The following AMPD1 variants were observed in gnomAD, a reference collection of about 807,000 sequenced individuals.
AMPD1 encodes the protein adenosine monophosphate deaminase 1, also known as AMP deaminase 1.
In AMPD1, 74 loss-of-function variants were observed where a neutral mutation model predicts 82.9. That is an observed-to-expected ratio of 0.89 (90% CI 0.74 to 1.08). The LOEUF (loss-of-function observed/expected upper bound fraction) is 1.08, where lower values mean the gene tolerates loss of function less well. Among genes scored for constraint, AMPD1 ranks in the 50% least tolerant of loss-of-function variants. The pLI is 0.00. For synonymous variants in AMPD1, 333 were observed against 320.5 expected (o/e 1.04, Z -0.42); for missense variants, 881 against 924.5 (o/e 0.95, Z 0.61).
At chr1:114,675,774 G>A in intron 11 of AMPD1, 81 bp from the exon 12 acceptor site, 3 of 1,612,866 alleles carry the variant, frequency 1.9e-6, no homozygotes, top group Non-Finnish European at 2.5e-6. Flanking sequence ...AGGTCCAAAG[G>A]CACAGACCAA....
Position 114,687,061 on chromosome 1 carries a change from T to C in AMPD1, c.216-151A>G, listed in dbSNP as rs2101722680. 3.7e-6 allele frequency: 3 copies of C among 807,872 alleles called. No homozygotes were observed. The South Asian group carries it at 4.3e-5, about 12-fold the overall frequency. The allele number at this position is 807,872 out of a possible 1,614,324, so 50.0% of individuals were successfully genotyped here. A position where few individuals can be genotyped will look rare whatever the true frequency, so the allele number is the denominator to read the frequency against. ...TATCAGAAACAGGATCCAAGCATAG[T>C]GGGAGGAGAAATCACTGAAGACACA... On this transcript the variant is annotated intron_variant, in intron 3 of 15. Transcript: ENST00000520113.
chr1:114,686,916 T>C lies in AMPD1; in HGVS notation c.216-6A>G, dbSNP rs1658337585. ...GTCCTTGGAAACGCTTTTTTCTGGG[T>C]TCGAAATTTAAAAGTAAGAGTTAAT... On this transcript the variant is annotated splice_region_variant and splice_polypyrimidine_tract_variant and intron_variant, in intron 3 of 15. Coordinates refer to ENST00000520113, the MANE Select transcript of AMPD1 (RefSeq NM_000036.3). The C allele has an allele frequency of 6.2e-7, 1 of 1,614,038 alleles. No individual in the cohort carries two copies. The highest frequency in any genetic ancestry group is 1.7e-5 in the Admixed American group (1 of 59,990).
rs1570841048 is a variant in AMPD1 at position 114,678,082 on chromosome 1, G to C, written c.1093-41C>G. 4 of 1,612,230 alleles carry C rather than the reference G, an allele frequency of 2.5e-6. No individual in the cohort carries two copies. In the East Asian group the frequency reaches 8.9e-5, roughly 36 times the overall value. On this transcript the variant is annotated intron_variant, in intron 8 of 15. Transcript: ENST00000520113. ...AGAGCAGAGATGTATTATTACCAGA[G>C]CTGTCTGGACAGAGAGAGCTAGGAA...
rs769233668 is a variant in AMPD1 at position 114,675,718 on chromosome 1, A to G, written c.1516-25T>C. 1.9e-5 allele frequency: 31 copies of G among 1,613,972 alleles called. No individual in the cohort carries two copies. In the Admixed American group the frequency reaches 3.8e-4, roughly 20 times the overall value. On this transcript the variant is annotated intron_variant, in intron 11 of 15. Transcript: ENST00000520113. ...TCTGTTAGGAAAAGTGAGCCATGCA[A>G]TGGGTTCAGTCCAACTTCAGGGTCC...
chr1:114,674,056 G>C lies in AMPD1; in HGVS notation c.1827C>G (p.Phe609Leu), dbSNP rs1157947981. The C allele has an allele frequency of 6.2e-7, 1 of 1,613,860 alleles. No individual in the cohort carries two copies. The highest frequency in any genetic ancestry group is 1.7e-5 in the Admixed American group (1 of 60,010). Residue 609 changes from phenylalanine to leucine, a missense_variant, in exon 14 of 16, where the codon TTC (phenylalanine) becomes TTG (leucine). Phe to Leu is a conservative substitution (Grantham distance 22, BLOSUM62 0). Transcript: ENST00000520113. ...ACATGGCGATGGGAATTTGGGCTAAGAAAAACAAGTACTGTAGCACGGGAC... is the reference window on the plus strand; with the variant it reads ...ACATGGCGATGGGAATTTGGGCTAACAAAAACAAGTACTGTAGCACGGGAC... ...KKSPVLQYLF[F>L]LAQIPIAMSP...
intron 1 of AMPD1, among the ~76,000 whole-genome samples, chr1:114,695,063 A>T (rs1216420851): frequency 6.6e-6 from 1 of 152,204 alleles, no homozygotes; most frequent in Non-Finnish European, 1.5e-5. Flanking sequence ...CCATCAGAAT[A>T]CACACATGGG....
intron 2 of AMPD1, 127 bp from the exon 3 acceptor site, chr1:114,688,868 G>A (rs777057302): frequency 9.6e-7 from 1 of 1,036,816 alleles, no homozygotes; most frequent in East Asian, 2.4e-5. Context: ...TCCAACCAGG[G>A]TCCAACACAG....
chr1:114,678,320 C>T lies in AMPD1; in HGVS notation c.1092+13G>A, dbSNP rs374283776. On this transcript the variant is annotated intron_variant, in intron 8 of 15. Transcript: ENST00000520113. ...AGTATTAGAGTGAAACTGACATTGC[C>T]GTTTCAACCTACAGCATGAACATCC... The T allele has an allele frequency of 1.2e-5, 19 of 1,612,592 alleles. No individual in the cohort carries two copies. Among genetic ancestry groups the T allele is most frequent in the East Asian group, 1.1e-4 (5 of 44,878 alleles).
chr1:114,673,824 A>G, intron 14 of AMPD1, 75 bp from the exon 15 acceptor site: 1 of 1,578,778 alleles, frequency 6.3e-7, no homozygotes. Flanking sequence ...AAAAATAATG[A>G]AATACCTTTA....
chr1:114,677,309 G>A (rs761713602), intron 10 of AMPD1, 42 bp downstream of exon 10: 2 of 1,609,760 alleles, frequency 1.2e-6, no homozygotes, highest in South Asian at 1.1e-5. Flanking sequence ...AAGCAGATGA[G>A]ACAAGGGCAG....
intron 3 of AMPD1, among the ~76,000 whole-genome samples, chr1:114,687,442 A>G (rs1191955905): frequency 6.6e-6 from 1 of 152,200 alleles, no homozygotes; most frequent in African/African-American, 2.4e-5. Flanking sequence ...GTTTGACCCA[A>G]GTTTATTGCT....
intron 2 of AMPD1, among the ~76,000 whole-genome samples, chr1:114,692,753 ATT>A (rs10611520): frequency 0.29 from 41,164 of 140,802 alleles, 5,823 homozygotes; most frequent in Non-Finnish European, 0.35. Flanking sequence ...ATGAACAACA[ATT>A]TTTTTTTTTT....
chr1:114,691,365 C>CT (rs11412027), intron 2 of AMPD1, among the ~76,000 whole-genome samples: 68,822 of 151,330 alleles, frequency 0.45, 16,096 homozygotes, highest in South Asian at 0.58. Context: ...ACTTTGGAGC[C>CT]TGGGCAACAT....
At position 114,688,675 on chromosome 1, in the gene AMPD1, C is replaced by A; in HGVS notation, c.101G>T (p.Gly34Val). The change falls in exon 3 of 16, where the codon GGT becomes GTT. Residue 34 changes from glycine (G) to valine (V), a missense_variant. This residue lies in a region of AMPD1 where 783 missense variants were observed against 786.4 expected (regional missense o/e 1.00). Transcript: ENST00000520113. Reference protein sequence around the residue: ...VFASEVKDEGGRQEISPFDVD... With the variant: ...VFASEVKDEGVRQEISPFDVD... Reference sequence around the variant, plus strand: ...ATCAAAGGGGGAAATCTCCTGACGACCTCCTTCATCTTTGACTTCAGAGGC... The same window carrying A: ...ATCAAAGGGGGAAATCTCCTGACGAACTCCTTCATCTTTGACTTCAGAGGC... 1 of 1,614,200 alleles carries A rather than the reference C, an allele frequency of 6.2e-7. No individual in the cohort carries two copies. The highest frequency in any genetic ancestry group is 2.2e-5 in the East Asian group (1 of 44,888).
chr1:114,686,763 A>T lies in AMPD1; in HGVS notation c.363T>A (p.Thr121=), dbSNP rs752538793. 6.2e-7 allele frequency: 1 copy of T among 1,614,032 alleles called. No individual in the cohort carries two copies. ...TVPDFQRVQI[T]GDYASGVTVE... ...AACTCACCCCAGAGGCATAGTCACC[A>T]GTAATCTGCACTCTCTGAAAATCAG... is the stretch of plus-strand genomic sequence containing the variant. The change falls in exon 4 of 16, where the codon ACT becomes ACA. Residue 121 remains threonine, a synonymous_variant. Coordinates refer to ENST00000520113, the MANE Select transcript of AMPD1 (RefSeq NM_000036.3).
chr1:114,680,553 ATAC>A, intron 5 of AMPD1, 75 bp from the exon 6 acceptor site: 1 of 1,183,724 alleles, frequency 8.4e-7, no homozygotes. Flanking sequence ...AAAATGTGAA[ATAC>A]TACAACATCT....
chr1:114,688,241 C>T (rs1261719815), intron 3 of AMPD1, among the ~76,000 whole-genome samples: 1 of 152,124 alleles, frequency 6.6e-6, no homozygotes, highest in East Asian at 1.9e-4. Flanking sequence ...GATTCTCCTG[C>T]CTCAACCTCC....
intron 2 of AMPD1, among the ~76,000 whole-genome samples, chr1:114,693,018 G>A (rs1285793028): frequency 1.3e-5 from 2 of 151,138 alleles, no homozygotes; most frequent in African/African-American, 2.4e-5. Flanking sequence ...TCAGCTACTC[G>A]GGAGGCTGAG....
intron 7 of AMPD1, among the ~76,000 whole-genome samples, chr1:114,678,940 T>A (rs1370645675): frequency 6.6e-6 from 1 of 152,240 alleles, no homozygotes; most frequent in Non-Finnish European, 1.5e-5. Flanking sequence ...GATATTCTTA[T>A]AACTAAATTT....
Sources: allele counts gnomAD v4.1 joint callset (sites outside exome capture counted in the v4.1 genomes callset), GRCh38; gene constraint gnomAD v4.1.1; regional missense constraint gnomAD v4.1.1; transcripts MANE v1.5; gene names NCBI Gene and HGNC (gene_info 2026-07-23, HGNC 2026-07-21).